The following CALN1 variants were observed in gnomAD, a reference collection of about 807,000 sequenced individuals.
CALN1 encodes the protein calneuron 1, also known as calcium-binding protein 8.
A neutral mutation model predicts 30.6 loss-of-function variants in CALN1; 17 were observed. The observed-to-expected ratio is 0.56, with a 90% CI of 0.38 to 0.83. The LOEUF (loss-of-function observed/expected upper bound fraction) is 0.83. CALN1 is among the 40% of genes least tolerant of loss of function. The pLI is 0.00. For missense variants in CALN1, 291 were observed against 354.9 expected (o/e 0.82, Z 1.45); for synonymous variants, 156 against 131.4 (o/e 1.19, Z -1.28).
chr7:72,198,907 A>G (rs1791224090), intron 3 of CALN1, among the ~76,000 whole-genome samples: 1 of 152,172 alleles, frequency 6.6e-6, no homozygotes, highest in Non-Finnish European at 1.5e-5. Flanking sequence ...CCCTGTACTT[A>G]CCTCTGTGCT....
intron 6 of CALN1, among the ~76,000 whole-genome samples, chr7:71,801,383 T>A (rs576042725): frequency 1.3e-5 from 1 of 79,366 alleles, no homozygotes; most frequent in Admixed American, 1.5e-4. Flanking sequence ...TGGTTATGTA[T>A]GTATGTATGT....
Position 72,181,102 on chromosome 7 carries a change from C to A in CALN1, c.245-74808G>T, listed in dbSNP as rs868819293. Among the ~76,000 whole-genome samples the A allele has an allele frequency of 9.7e-3, 812 of 83,802 alleles. 33 individuals are homozygous for A. Among genetic ancestry groups the A allele is most frequent in the African/African-American group, 0.029 (677 of 23,678 alleles). The allele number at this position is 83,802 out of a possible 152,430, so 55.0% of individuals were successfully genotyped here. The stretch of plus-strand genomic sequence containing the variant: ...AACAGAGCGAAACTGCATAACCCCC[C>A]CCCCCCCCAAAAAAAAAAAAAATTT... On this transcript the variant is annotated intron_variant, in intron 3 of 6. Transcript: ENST00000395275.
intron 3 of CALN1, among the ~76,000 whole-genome samples, chr7:72,269,764 A>G (rs993726671): frequency 1.3e-5 from 2 of 152,214 alleles, no homozygotes; most frequent in African/African-American, 4.8e-5. Flanking sequence ...AGGATTCACA[A>G]TGTTCAGTCT....
intron 3 of CALN1, among the ~76,000 whole-genome samples, chr7:72,222,054 T>C (rs1222096073): frequency 6.6e-6 from 1 of 151,920 alleles, no homozygotes; most frequent in Non-Finnish European, 1.5e-5. Context: ...GGTGAAACCC[T>C]GTCTCTACTA....
At chr7:72,069,550 G>C (rs549635445) in intron 4 of CALN1, among the ~76,000 whole-genome samples, 1 of 151,964 alleles carries the variant, frequency 6.6e-6, no homozygotes, top group Non-Finnish European at 1.5e-5. Context: ...TCCAATCTCT[G>C]CTCCATCTTC....
chr7:72,170,517 G>A (rs1414031352), intron 3 of CALN1, among the ~76,000 whole-genome samples: 1 of 152,118 alleles, frequency 6.6e-6, no homozygotes, highest in African/African-American at 2.4e-5. Flanking sequence ...ACATAACTTG[G>A]TTAAAGTCGC....
At chr7:72,223,771 G>A (rs1248906329) in intron 3 of CALN1, among the ~76,000 whole-genome samples, 2 of 152,208 alleles carry the variant, frequency 1.3e-5, no homozygotes, top group African/African-American at 4.8e-5. Flanking sequence ...ACAGTGGATT[G>A]GGTAAAGAAA....
At chr7:72,166,757 A>G (rs1017783141) in intron 3 of CALN1, among the ~76,000 whole-genome samples, 2 of 152,214 alleles carry the variant, frequency 1.3e-5, no homozygotes, top group African/African-American at 4.8e-5. Flanking sequence ...ATACCAAGGT[A>G]GTCCAGGCGC....
At chr7:72,309,139 G>A (rs1490673594) in intron 2 of CALN1, among the ~76,000 whole-genome samples, 2 of 152,152 alleles carry the variant, frequency 1.3e-5, no homozygotes, top group East Asian at 3.9e-4. Context: ...TCTATAGCCT[G>A]CCTTTTTCAT....
chr7:72,136,086 G>T (rs1490859232), intron 3 of CALN1, among the ~76,000 whole-genome samples: 1 of 151,690 alleles, frequency 6.6e-6, no homozygotes, highest in Non-Finnish European at 1.5e-5. Context: ...AGTGAGCCAA[G>T]ATTGCACCAC....
At chr7:71,930,642 T>C (rs1419518043) in intron 5 of CALN1, among the ~76,000 whole-genome samples, 1 of 152,230 alleles carries the variant, frequency 6.6e-6, no homozygotes, top group African/African-American at 2.4e-5. Context: ...CTATATTTAC[T>C]TCTAAGAGTT....
chr7:72,286,630 C>T (rs889978506), intron 2 of CALN1, among the ~76,000 whole-genome samples: 5 of 152,226 alleles, frequency 3.3e-5, no homozygotes, highest in South Asian at 4.1e-4. Context: ...AGACCCTGGA[C>T]ATTTGGCTAA....
chr7:71,865,152 C>G (rs1039430879), intron 5 of CALN1, among the ~76,000 whole-genome samples: 3 of 152,190 alleles, frequency 2.0e-5, no homozygotes, highest in African/African-American at 7.2e-5. Context: ...CCAATTCTCA[C>G]GGTGAACTGT....
intron 4 of CALN1, among the ~76,000 whole-genome samples, chr7:72,054,544 C>CACATAT (rs1385206841): frequency 6.3e-5 from 6 of 95,058 alleles, no homozygotes; most frequent in African/African-American, 2.0e-4. Context: ...TATATATATA[C>CACATAT]ATATATATAT....
chr7:72,317,815 G>A (rs976905837), intron 2 of CALN1, among the ~76,000 whole-genome samples: 1 of 152,120 alleles, frequency 6.6e-6, no homozygotes, highest in Non-Finnish European at 1.5e-5. Flanking sequence ...CCCAGAATTG[G>A]AGGCTCCAGC....
At chr7:72,129,042 C>A (rs1050207693) in intron 3 of CALN1, among the ~76,000 whole-genome samples, 4 of 151,918 alleles carry the variant, frequency 2.6e-5, no homozygotes, top group Non-Finnish European at 4.4e-5. Flanking sequence ...GGCCAACAAG[C>A]CAAAATAAAA....
chr7:72,349,855 T>C (rs1802832056), intron 2 of CALN1, among the ~76,000 whole-genome samples: 1 of 152,176 alleles, frequency 6.6e-6, no homozygotes, highest in African/African-American at 2.4e-5. Flanking sequence ...TAGATGCGTA[T>C]TTTACAAATA....
chr7:72,006,773 T>C (rs1351549979), intron 5 of CALN1, among the ~76,000 whole-genome samples: 1 of 152,170 alleles, frequency 6.6e-6, no homozygotes, highest in Non-Finnish European at 1.5e-5. Context: ...AATGAACAGC[T>C]GTAATTCAAA....
intron 5 of CALN1, among the ~76,000 whole-genome samples, chr7:71,825,110 C>G (rs1788834608): frequency 6.6e-6 from 1 of 152,114 alleles, no homozygotes; most frequent in Non-Finnish European, 1.5e-5. Flanking sequence ...AAGCAGACCC[C>G]CTTCCTAAAG....
Sources: gnomAD v4.1 joint callset for allele counts (sites outside exome capture counted in the v4.1 genomes callset) on GRCh38, gnomAD v4.1.1 for gene constraint, MANE v1.5 for transcripts, NCBI Gene and HGNC (gene_info 2026-07-23, HGNC 2026-07-21) for gene names.